DENND4B: variants seen among roughly 807,000 people sequenced by gnomAD.
DENND4B encodes the protein DENN domain containing 4B, also known as DENN domain-containing protein 4B.
A neutral mutation model predicts 161.0 loss-of-function variants in DENND4B; 67 were observed. The ratio of observed to expected loss-of-function variants is 0.42; its 90% CI spans 0.34 to 0.51. The LOEUF (loss-of-function observed/expected upper bound fraction) is 0.51, where lower values mean the gene tolerates loss of function less well. Among genes scored for constraint, DENND4B ranks in the 20% least tolerant of loss-of-function variants. The pLI is 0.08. For missense variants in DENND4B, 1,481 were observed against 1,968.0 expected, an observed-to-expected ratio of 0.75 and a Z score of 4.68; for synonymous variants, 753 against 813.8, an observed-to-expected ratio of 0.93 and a Z score of 1.27.
intron 2 of DENND4B, 88 bp downstream of exon 2, chr1:153,943,970 C>G: frequency 2.1e-6 from 3 of 1,404,276 alleles, no homozygotes; most frequent in Non-Finnish European, 2.8e-6. Flanking sequence ...CCCCATTGCC[C>G]TTCCCTTGTT....
At chr1:153,938,530 G>T (rs1439041494) in intron 13 of DENND4B, among the ~76,000 whole-genome samples, 1 of 151,196 alleles carries the variant, frequency 6.6e-6, no homozygotes, top group Non-Finnish European at 1.5e-5. Context: ...GTGAAACCCC[G>T]TCTCTACTAA....
rs1185227953 is a variant in DENND4B, at chr1:153,935,261, G to C, written c.2569-297C>G. On this transcript the variant is annotated intron_variant, in intron 17 of 27. Coordinates refer to ENST00000361217, the MANE Select transcript of DENND4B (RefSeq NM_014856.3). ...AATCATTTCATTTATTTGGTCATTA[G>C]TCTCCTCATCTAAAAAACAGGAGGC... 2.1e-5 allele frequency: 9 copies of C among 423,074 alleles called. No homozygotes were observed. In the East Asian group the frequency reaches 3.7e-4, roughly 18 times the overall value. 26.2% of individuals were successfully genotyped at this position (423,074 alleles called of 1,614,324 possible). A position where few individuals can be genotyped will look rare whatever the true frequency, so the allele number is the denominator to read the frequency against.
At chr1:153,935,127 CAG>C (rs979073224) in intron 17 of DENND4B, 163 bp from the exon 18 acceptor site, 1 of 1,388,808 alleles carries the variant, frequency 7.2e-7, no homozygotes, top group African/African-American at 1.4e-5. Flanking sequence ...CCAGAAGAGA[CAG>C]TAGGCAGCAG....
Position 153,933,421 on chromosome 1 carries a change from A to G in DENND4B, c.3330+62T>C. The G allele has an allele frequency of 1.2e-6, 2 of 1,600,970 alleles. No individual in the cohort carries two copies. The highest frequency in any genetic ancestry group is 8.5e-7 in the Non-Finnish European group (1 of 1,173,716). On this transcript the variant is annotated intron_variant, in intron 20 of 27. Coordinates refer to ENST00000361217, the MANE Select transcript of DENND4B (RefSeq NM_014856.3). The surrounding 1 kb of genome is among the most constrained non-coding windows in gnomAD (Gnocchi z 5.7). ...GAGCCCCCTTTTTGAGCATTCTTCC[A>G]GTCGTAGCCCCTCCCCAAGCCCACT...
intron 6 of DENND4B, 96 bp downstream of exon 6, chr1:153,941,773 C>CCGGGGGGGGGGGGGG: frequency 7.0e-7 from 1 of 1,426,304 alleles, no homozygotes; most frequent in Non-Finnish European, 9.6e-7. Context: ...ACCCTGTGCC[C>CCGGGGGGGGGGGGGG]AGCCCTCCCC....
rs1679018885 is a variant in DENND4B, at chr1:153,932,551, G to A, written c.3759+91C>T. 5.1e-6 allele frequency: 8 copies of A among 1,565,154 alleles called. No homozygotes were observed. Among genetic ancestry groups the A allele is most frequent in the South Asian group, 1.2e-5 (1 of 83,890 alleles). ...TTTGGGATGCCCCTTGCCCTCAAGG[G>A]CAAGAGATGTGCCCATCTCTCCCTG... On this transcript the variant is annotated intron_variant, in intron 23 of 27. Transcript: ENST00000361217. The surrounding 1 kb of genome is among the most constrained non-coding windows in gnomAD (Gnocchi z 5.8).
chr1:153,939,591 T>C lies in DENND4B; in HGVS notation c.1817A>G (p.Gln606Arg). 1 of 1,606,894 alleles carries C rather than the reference T, an allele frequency of 6.2e-7. No individual in the cohort carries two copies. Among genetic ancestry groups the C allele is most frequent in the Non-Finnish European group, 8.5e-7 (1 of 1,174,858 alleles). Residue 606 changes from glutamine (Q) to arginine (R), a missense_variant and splice_region_variant, in exon 12 of 28, where the codon CAG (glutamine) becomes CGG (arginine). Coordinates refer to ENST00000361217, the MANE Select transcript of DENND4B (RefSeq NM_014856.3). ...AAGCAGAGACAGGCCCTCTATACCC[T>C]GCAGGAAGAAAAGGTTGTCAACATC... is the stretch of plus-strand genomic sequence containing the variant. ...ARDVDNLFFL[Q>R]GFLKSRERSS...
At chr1:153,939,125 T>G (rs1679525585) in intron 12 of DENND4B, 80 bp from the exon 13 acceptor site, 1 of 1,522,956 alleles carries the variant, frequency 6.6e-7, no homozygotes, top group Non-Finnish European at 8.9e-7. Flanking sequence ...GAATCTCTTC[T>G]TGGCTCCCTG....
At position 153,941,898 on chromosome 1, in the gene DENND4B, G is replaced by C; in HGVS notation, c.1026C>G (p.Val342=). 6.2e-7 allele frequency: 1 copy of C among 1,612,214 alleles called. No individual in the cohort carries two copies. The highest frequency in any genetic ancestry group is 8.5e-7 in the Non-Finnish European group (1 of 1,179,866). The change falls in exon 6 of 28, where the codon GTC becomes GTG. Residue 342 remains valine, a synonymous_variant. Coordinates refer to ENST00000361217, the MANE Select transcript of DENND4B (RefSeq NM_014856.3). ...AFLTFLYRYS[V]SGPHRLPLEA... is the part of the protein sequence containing the mutation. ...CCAAGGGTAGGCGGTGGGGGCCTGA[G>C]ACGGAGTAGCGGTAAAGGAAGGTGA...
chr1:153,930,350 T>C lies in DENND4B; in HGVS notation c.4438A>G (p.Thr1480Ala), dbSNP rs1678830392. The C allele has an allele frequency of 6.2e-7, 1 of 1,613,688 alleles. No homozygotes were observed. The highest frequency in any genetic ancestry group is 1.3e-5 in the African/African-American group (1 of 74,862). ...TTTCGGCAGTCAATGGCCTTGGGAGTGGGCATCTGCGCCCGCCGGTGCCTC... is the reference window on the plus strand; with the variant it reads ...TTTCGGCAGTCAATGGCCTTGGGAGCGGGCATCTGCGCCCGCCGGTGCCTC... Reference protein sequence around the residue: ...ELRHRRAQMPTPKAIDCRKCF... With the variant: ...ELRHRRAQMPAPKAIDCRKCF... The change falls in exon 28 of 28, where the codon ACT becomes GCT. Residue 1480 changes from threonine (T) to alanine (A), a missense_variant. Thr to Ala is a moderately conservative substitution (Grantham distance 58). This residue lies in a region of DENND4B where 336 missense variants were observed against 503.3 expected (regional missense o/e 0.67). Transcript: ENST00000361217. This position sits in a 1 kb window ranked among gnomAD's most constrained non-coding sequence, Gnocchi z 4.7.
Position 153,937,774 on chromosome 1 carries a change from A to G in DENND4B, c.2055T>C (p.Pro685=). ...CCTCTGGTAAGGCAGGCTCCTCGGG[A>G]GGTGTGATAAAGACAGTGAGCTCAC... ...SGSELTVFIT[P]PEEPALPEGS... Residue 685 remains proline (P), a synonymous_variant, in exon 14 of 28, where the codon CCT becomes CCC. Coordinates refer to ENST00000361217, the MANE Select transcript of DENND4B (RefSeq NM_014856.3). The surrounding 1 kb of genome is among the most constrained non-coding windows in gnomAD (Gnocchi z 4.7). 6.2e-7 allele frequency: 1 copy of G among 1,613,942 alleles called. No individual in the cohort carries two copies. Among genetic ancestry groups the G allele is most frequent in the Non-Finnish European group, 8.5e-7 (1 of 1,179,890 alleles).
In DENND4B at chr1:153,937,911, G is replaced by A; in HGVS notation, c.1966-48C>T. Reference sequence around the variant, plus strand: ...CAAGTGTTGAGATGGTGGGCATGGAGCAGAGCCAGGGTGTCTAGACGATGG... The same window carrying A: ...CAAGTGTTGAGATGGTGGGCATGGAACAGAGCCAGGGTGTCTAGACGATGG... On this transcript the variant is annotated intron_variant, in intron 13 of 27. Coordinates refer to ENST00000361217, the MANE Select transcript of DENND4B (RefSeq NM_014856.3). This position sits in a 1 kb window ranked among gnomAD's most constrained non-coding sequence, Gnocchi z 4.7. The A allele has an allele frequency of 1.2e-6, 2 of 1,612,624 alleles. No individual in the cohort carries two copies. The highest frequency in any genetic ancestry group is 1.1e-5 in the South Asian group (1 of 91,004).
At position 153,933,808 on chromosome 1, in the gene DENND4B, A is replaced by T. The variant is rs1679136295; in HGVS notation, c.3005T>A (p.Leu1002His). The T allele has an allele frequency of 1.9e-6, 3 of 1,612,890 alleles. No individual in the cohort carries two copies. The highest frequency in any genetic ancestry group is 1.7e-5 in the Admixed American group (1 of 59,962). ...CTCCCCTGTCAGGCTCAGGTCTGAG[A>T]GACTTCCATCGTGCCAGGGCACAGG... ...GSPVPWHDGS[L>H]SDLSLTGEEP... The change falls in exon 20 of 28, where the codon CTC becomes CAC. Residue 1002 changes from leucine (L) to histidine (H), a missense_variant. Transcript: ENST00000361217. This position sits in a 1 kb window ranked among gnomAD's most constrained non-coding sequence, Gnocchi z 5.7.
Position 153,934,364 on chromosome 1 carries a change from A to T in DENND4B, c.2774-62T>A. 7 of 1,517,434 alleles carry T rather than the reference A, an allele frequency of 4.6e-6. No individual in the cohort carries two copies. The highest frequency in any genetic ancestry group is 6.2e-6 in the Non-Finnish European group (7 of 1,137,366). 94.0% of individuals were successfully genotyped at this position (1,517,434 alleles called of 1,614,324 possible). A position where few individuals can be genotyped will look rare whatever the true frequency, so the allele number is the denominator to read the frequency against. ...TAGGAACCCAGTCCCCTGTTCCAAA[A>T]TAGAGCTCCTTAGATGGACCAGGGT... On this transcript the variant is annotated intron_variant, in intron 18 of 27. Coordinates refer to ENST00000361217, the MANE Select transcript of DENND4B (RefSeq NM_014856.3). This position sits in a 1 kb window ranked among gnomAD's most constrained non-coding sequence, Gnocchi z 5.3.
At position 153,934,174 on chromosome 1, in the gene DENND4B, G is replaced by A. The variant is rs1451616320; in HGVS notation, c.2902C>T (p.Arg968Ter). ...GCCTCCACAGTGGGCTGTGCCCCTC[G>A]GGCACTGCCCAGGCTACCACTCTTC... ...LVKSGSLGSA[R>*]GAQPTVEAGV... The change falls in exon 19 of 28, where the codon CGA (arginine) becomes TGA (stop). Residue 968 changes from arginine to a stop codon, truncating the protein, a stop_gained. Coordinates refer to ENST00000361217, the MANE Select transcript of DENND4B (RefSeq NM_014856.3). LOFTEE classifies it high-confidence loss of function. The surrounding 1 kb of genome is among the most constrained non-coding windows in gnomAD (Gnocchi z 5.3). The A allele has an allele frequency of 3.1e-6, 5 of 1,592,620 alleles. No homozygotes were observed. The highest frequency in any genetic ancestry group is 4.5e-5 in the East Asian group (2 of 44,568).
In DENND4B at chr1:153,937,411, T is replaced by C; in HGVS notation, c.2232+77A>G. The C allele has an allele frequency of 1.4e-6, 2 of 1,453,376 alleles. No homozygotes were observed. The highest frequency in any genetic ancestry group is 1.8e-6 in the Non-Finnish European group (2 of 1,100,374). 90.0% of individuals were successfully genotyped at this position (1,453,376 alleles called of 1,614,324 possible). On this transcript the variant is annotated intron_variant, in intron 15 of 27. Coordinates refer to ENST00000361217, the MANE Select transcript of DENND4B (RefSeq NM_014856.3). The surrounding 1 kb of genome is among the most constrained non-coding windows in gnomAD (Gnocchi z 4.7). ...GTTAAGTATTATTGTTATACCCATT[T>C]TGTAGATGAGGAAACTGAAGCAGCA...
rs1201992173 is a variant in DENND4B, at chr1:153,936,596, T to C, written c.2385A>G (p.Thr795=). Residue 795 remains threonine (T), a synonymous_variant, in exon 16 of 28, where the codon ACA becomes ACG. Transcript: ENST00000361217. The surrounding 1 kb of genome is among the most constrained non-coding windows in gnomAD (Gnocchi z 4.1). ...CCATCTGGCGCAGCACATGGTAGGCTGTGTGCAGTGCCTGCACTCGGGAGG... is the reference window on the plus strand; with the variant it reads ...CCATCTGGCGCAGCACATGGTAGGCCGTGTGCAGTGCCTGCACTCGGGAGG... The part of the protein sequence containing the change: ...SAPSRVQALH[T]AYHVLRQMES... 1 of 1,611,950 alleles carries C rather than the reference T, an allele frequency of 6.2e-7. No homozygotes were observed. Among genetic ancestry groups the C allele is most frequent in the African/African-American group, 1.3e-5 (1 of 74,902 alleles).
rs2297897 is a variant in DENND4B at position 153,930,573 on chromosome 1, T to C, written c.4311A>G (p.Thr1437=). Residue 1437 remains threonine, a synonymous_variant, in exon 27 of 28, where the codon ACA becomes ACG. Coordinates refer to ENST00000361217, the MANE Select transcript of DENND4B (RefSeq NM_014856.3). This position sits in a 1 kb window ranked among gnomAD's most constrained non-coding sequence, Gnocchi z 4.7. ...RGIYREILFL[T]MAALGKDHVD... ...CGTGGTCCTTGCCCAGAGCAGCCAT[T>C]GTCAGGAATAATATCTCACGGTAGA... The C allele has an allele frequency of 1.8e-3, 2,880 of 1,613,986 alleles. 44 individuals carry two copies. In the East Asian group the frequency reaches 0.036, roughly 20 times the overall value.
chr1:153,946,286 C>T lies in DENND4B; in HGVS notation c.-24+15G>A. 2.9e-6 allele frequency: 1 copy of T among 349,748 alleles called. No individual in the cohort carries two copies. Among genetic ancestry groups the T allele is most frequent in the Non-Finnish European group, 5.1e-6 (1 of 194,510 alleles). 21.7% of individuals were successfully genotyped at this position (349,748 alleles called of 1,614,324 possible). On this transcript the variant is annotated intron_variant, in intron 1 of 27. Transcript: ENST00000361217. This position sits in a 1 kb window ranked among gnomAD's most constrained non-coding sequence, Gnocchi z 6.3. ...GTCCCCGCCTGCCGCCCAGCCCGGT[C>T]CAGCCCCTACCTGCCTGTCCCGCGC...
Sources: allele counts gnomAD v4.1 joint callset (sites outside exome capture counted in the v4.1 genomes callset), GRCh38; gene constraint gnomAD v4.1.1; regional missense constraint gnomAD v4.1.1; non-coding constraint Gnocchi (gnomAD v3.1); transcripts MANE v1.5; gene names NCBI Gene and HGNC (gene_info 2026-07-23, HGNC 2026-07-21).